Variants in ITGAE observed in about 807,000 individuals in gnomAD.
ITGAE encodes the protein integrin alpha-E.
Under a neutral mutation model 136.5 loss-of-function variants are expected in ITGAE, and 99 were observed. That is an observed-to-expected ratio of 0.73 (90% confidence interval 0.62 to 0.86). The LOEUF (loss-of-function observed/expected upper bound fraction) is 0.86. Among genes scored for constraint, ITGAE ranks in the 40% least tolerant of loss-of-function variants. The pLI, the probability that ITGAE is intolerant of heterozygous loss-of-function variation, is 0.00. For missense variants in ITGAE, 1,447 were observed against 1,515.3 expected (o/e 0.95, Z 0.75); for synonymous variants, 613 against 591.8 (o/e 1.04, Z -0.52).
At chr17:3,755,996 C>T (rs2052012691) in intron 10 of ITGAE, 99 bp from the exon 11 acceptor site, 1 of 1,172,848 alleles carries the variant, frequency 8.5e-7, no homozygotes, top group East Asian at 2.6e-5. Flanking sequence ...CAGAAGGAAC[C>T]ATGCTTGGTG....
At position 3,798,889 on chromosome 17, in the gene ITGAE, G is replaced by T. The variant is rs1410948946; in HGVS notation, c.34+2222C>A. Among the ~76,000 whole-genome samples the T allele has an allele frequency of 1.3e-5, 2 of 152,290 alleles. No homozygotes were observed. The highest frequency in any genetic ancestry group is 3.9e-4 in the East Asian group (2 of 5,172). ...GGTGGTCAGGGTGTGGACAGTTCCA[G>T]GGTTTCAGTGTCTGTCTGCACCCAA... On this transcript the variant is annotated intron_variant, in intron 1 of 30. Transcript: ENST00000263087. This position sits in a 1 kb window ranked among gnomAD's most constrained non-coding sequence, Gnocchi z 4.3.
In ITGAE at chr17:3,723,248, A is replaced by G. The variant is rs551796821; in HGVS notation, c.3237+40T>C. 25 of 1,306,758 alleles carry G rather than the reference A, an allele frequency of 1.9e-5. No homozygotes were observed. The South Asian group carries it at 2.9e-4, about 15-fold the overall frequency. The allele number at this position is 1,306,758 out of a possible 1,614,324, so 80.9% of individuals were successfully genotyped here. A position where few individuals can be genotyped will look rare whatever the true frequency, so the allele number is the denominator to read the frequency against. The stretch of plus-strand genomic sequence containing the variant: ...TCTTCTAGGGGCGATGCCCGTGAGC[A>G]ACTGGATAATCAAATCTGGAGCATT... On this transcript the variant is annotated intron_variant, in intron 28 of 30. Coordinates refer to ENST00000263087, the MANE Select transcript of ITGAE (RefSeq NM_002208.5).
At chr17:3,746,845 C>T (rs1356179353) in intron 17 of ITGAE, among the ~76,000 whole-genome samples, 2 of 152,210 alleles carry the variant, frequency 1.3e-5, no homozygotes, top group Non-Finnish European at 2.9e-5. Flanking sequence ...CCCACCTCGG[C>T]CTCCCAAAGT....
intron 21 of ITGAE, among the ~76,000 whole-genome samples, chr17:3,734,084 C>G (rs956791383): frequency 6.6e-5 from 10 of 152,106 alleles, no homozygotes; most frequent in Non-Finnish European, 1.5e-4. Context: ...CTTGTTTTTT[C>G]TTTTGAGACA....
intron 15 of ITGAE, among the ~76,000 whole-genome samples, chr17:3,750,807 G>C (rs1266069245): frequency 1.3e-5 from 2 of 152,104 alleles, no homozygotes; most frequent in African/African-American, 2.4e-5. Flanking sequence ...TGTGGGGCTT[G>C]GGGATGGGGG....
In ITGAE at chr17:3,736,310, A is replaced by AAAAT. The variant is rs144337236; in HGVS notation, c.2523-1365_2523-1362dup. ...GGCAACAAGAGTGAAACTCTGTCTC[A>AAAAT]AAATAAATAAATAAATAAATAAAAG... is the stretch of plus-strand genomic sequence containing the variant. On this transcript the variant is annotated intron_variant, in intron 20 of 30. Transcript: ENST00000263087. Among the ~76,000 whole-genome samples the AAAAT allele has an allele frequency of 1.7e-4, 26 of 152,268 alleles. No individual in the cohort carries two copies. The East Asian group carries it at 2.1e-3, about 12-fold the overall frequency.
chr17:3,757,753 CT>C lies in ITGAE; in HGVS notation c.972del (p.Val325SerfsTer30), dbSNP rs1479390647. 2.5e-6 allele frequency: 4 copies of C among 1,614,026 alleles called. No homozygotes were observed. In the African/African-American group the frequency reaches 5.3e-5, roughly 22 times the overall value. The stretch of plus-strand genomic sequence containing the variant: ...CCCTGCATTTTGGGGGAGTTGATGA[CT>C]GTCGTAAGGTTGAGGGGGTCCTCGA... ...GIFEDPLNLT[T>X]VINSPKMQGV... On this transcript the variant is annotated frameshift_variant, in exon 9 of 31. Transcript: ENST00000263087. LOFTEE classifies it high-confidence loss of function.
Position 3,716,777 on chromosome 17 carries a change from C to T in ITGAE, c.3355G>A (p.Asp1119Asn), listed in dbSNP as rs775264592. The T allele has an allele frequency of 6.2e-7, 1 of 1,602,578 alleles. No individual in the cohort carries two copies. The highest frequency in any genetic ancestry group is 8.6e-7 in the Non-Finnish European group (1 of 1,169,582). Residue 1119 changes from aspartate (D) to asparagine (N), a missense_variant, in exon 30 of 31, where the codon GAT becomes AAT. Asp to Asn is a conservative substitution (Grantham distance 23). Around this residue, in one of 3 missense-constraint regions of ITGAE, gnomAD observed 1,031 missense variants for 1,011.4 expected, o/e 1.02. Coordinates refer to ENST00000263087, the MANE Select transcript of ITGAE (RefSeq NM_002208.5). ...ATAGGCAAAGAATGGTACTTCTCAT[C>T]TTTCAGGAAGACGACAGTGATCTAG... Reference protein sequence around the residue: ...RTKITVVFLKDEKYHSLPIII... With the variant: ...RTKITVVFLKNEKYHSLPIII...
At chr17:3,785,893 C>T (rs930567931) in intron 1 of ITGAE, among the ~76,000 whole-genome samples, 2 of 151,752 alleles carry the variant, frequency 1.3e-5, no homozygotes, top group Non-Finnish European at 2.9e-5. Flanking sequence ...AGGGGCCAGG[C>T]GAGGTGGCTG....
intron 10 of ITGAE, among the ~76,000 whole-genome samples, chr17:3,756,101 C>T (rs2052016362): frequency 6.6e-6 from 1 of 152,148 alleles, no homozygotes; most frequent in Admixed American, 6.6e-5. Flanking sequence ...TCAGTTTCCT[C>T]GTCTGTGAGC....
chr17:3,745,802 G>C lies in ITGAE; in HGVS notation c.2281C>G (p.Leu761Val). 1 of 1,614,050 alleles carries C rather than the reference G, an allele frequency of 6.2e-7. No homozygotes were observed. The change falls in exon 18 of 31, where the codon CTT becomes GTT. Residue 761 changes from leucine to valine, a missense_variant. Coordinates refer to ENST00000263087, the MANE Select transcript of ITGAE (RefSeq NM_002208.5). ...GGCATGAGCAGGAGGTCCTCACAAA[G>C]CTGGGATCCGCTGCTCCACTCCCTC... ...CLREWSSGSQ[L>V]CEDLLLMPTE...
intron 1 of ITGAE, chr17:3,784,358 G>A: frequency 3.0e-6 from 1 of 335,994 alleles, no homozygotes; most frequent in South Asian, 2.3e-5. Flanking sequence ...AAGTTGACCT[G>A]ACAGACAAAA....
At chr17:3,723,774 T>C (rs1413423375) in intron 26 of ITGAE, 30 bp from the exon 27 acceptor site, 1 of 1,602,832 alleles carries the variant, frequency 6.2e-7, no homozygotes, top group Non-Finnish European at 8.5e-7. Flanking sequence ...CGCGACGCGC[T>C]GAACAAACCA....
rs1458181606 is a variant in ITGAE at position 3,743,554 on chromosome 17, C to T, written c.2383G>A (p.Glu795Lys). ...VKVSYQLQTP[E>K]GQTDHPQPIL... ...GGCTGGGGATGGTCCGTCTGTCCCT[C>T]AGGGGTCTGGAGCTGGTAGCTGACT... is the stretch of plus-strand genomic sequence containing the variant. The change falls in exon 19 of 31, where the codon GAG becomes AAG. Residue 795 changes from glutamate to lysine, a missense_variant. Transcript: ENST00000263087. 3 of 1,612,988 alleles carry T rather than the reference C, an allele frequency of 1.9e-6. No individual in the cohort carries two copies. The highest frequency in any genetic ancestry group is 2.2e-5 in the East Asian group (1 of 44,858).
intron 14 of ITGAE, 79 bp downstream of exon 14, chr17:3,753,211 C>A: frequency 4.7e-6 from 7 of 1,497,724 alleles, no homozygotes; most frequent in African/African-American, 2.7e-5. Context: ...AGGGCCAGGG[C>A]ACTCCCAGCC....
At chr17:3,754,820 A>C in intron 12 of ITGAE, 20 of 183,496 alleles carry the variant, frequency 1.1e-4, no homozygotes, top group Middle Eastern at 2.3e-3. Context: ...GGTGGTCTCC[A>C]GGCCCCACCC....
At position 3,755,229 on chromosome 17, in the gene ITGAE, A is replaced by C; in HGVS notation, c.1272T>G (p.Phe424Leu). The C allele has an allele frequency of 1.9e-6, 3 of 1,574,700 alleles. No individual in the cohort carries two copies. The highest frequency in any genetic ancestry group is 1.7e-4 in the Middle Eastern group (1 of 5,990). Residue 424 changes from phenylalanine (F) to leucine (L), a missense_variant, in exon 12 of 31, where the codon TTT (phenylalanine) becomes TTG (leucine). Phe to Leu is a conservative substitution (Grantham distance 22). Transcript: ENST00000263087. ...AGAGCAACGCCCCTCCGGACCAGTC[A>C]AAGGCCCCGACGGCGCCGAGCAGCA... Reference protein sequence around the residue: ...RQVLLGAVGAFDWSGGALLYD... With the variant: ...RQVLLGAVGALDWSGGALLYD...
intron 24 of ITGAE, 137 bp from the exon 25 acceptor site, chr17:3,728,305 G>A: frequency 1.5e-6 from 1 of 668,062 alleles, no homozygotes; most frequent in Non-Finnish European, 2.7e-6. Flanking sequence ...CCAGGCTCAA[G>A]TGATCCTCCA....
intron 19 of ITGAE, among the ~76,000 whole-genome samples, chr17:3,740,807 T>A (rs1454736624): frequency 6.6e-6 from 1 of 152,230 alleles, no homozygotes; most frequent in Non-Finnish European, 1.5e-5. Flanking sequence ...TCCAGTGTTC[T>A]AAAGTAGCTG....
Sources: gnomAD v4.1 joint callset for allele counts (sites outside exome capture counted in the v4.1 genomes callset) on GRCh38, gnomAD v4.1.1 for gene constraint, gnomAD v4.1.1 regional missense constraint, Gnocchi (gnomAD v3.1) non-coding constraint, MANE v1.5 for transcripts, NCBI Gene and HGNC (gene_info 2026-07-23, HGNC 2026-07-21) for gene names.